MITD1: variants seen among roughly 807,000 people sequenced by gnomAD.
MITD1 encodes the protein microtubule interacting and trafficking domain containing 1.
MITD1 carries 24 observed loss-of-function variants against 34.9 expected under a neutral mutation model. The observed-to-expected ratio is 0.69, with a 90% CI of 0.50 to 0.97. The LOEUF (loss-of-function observed/expected upper bound fraction) is 0.97. MITD1 is among the 50% of genes least tolerant of loss of function. The pLI is 0.00. For synonymous variants in MITD1, 102 were observed against 101.4 expected, an observed-to-expected ratio of 1.01 and a Z score of -0.04; for missense variants, 266 against 294.6, an observed-to-expected ratio of 0.90 and a Z score of 0.71.
At position 99,170,653 on chromosome 2, in the gene MITD1, C is replaced by A; in HGVS notation, c.478-1G>T. On this transcript the variant is annotated splice_acceptor_variant, in intron 4 of 6. Transcript: ENST00000289359. LOFTEE classifies it high-confidence loss of function. ...TACTTTGCTGCACTTGCTCAATGCC[C>A]TGTTAATAGCAAAAATACGATTATC... 6.9e-7 allele frequency: 1 copy of A among 1,449,042 alleles called. No individual in the cohort carries two copies. Among genetic ancestry groups the A allele is most frequent in the Non-Finnish European group, 9.7e-7 (1 of 1,032,622 alleles). 89.8% of individuals were successfully genotyped at this position (1,449,042 alleles called of 1,614,324 possible). A position where few individuals can be genotyped will look rare whatever the true frequency, so the allele number is the denominator to read the frequency against.
At chr2:99,163,121 A>G in intron 7 of MITD1, 1 of 1,376,224 alleles carries the variant, frequency 7.3e-7, no homozygotes, top group South Asian at 1.7e-5. Context: ...TAGAAAATAA[A>G]ATGTCTCATA....
chr2:99,168,130 GT>G (rs1166655089), downstream of MITD1, among the ~76,000 whole-genome samples: 1 of 151,934 alleles, frequency 6.6e-6, no homozygotes, highest in African/African-American at 2.4e-5. Flanking sequence ...GCTTAGCTGG[GT>G]TTTTTTATTT....
intron 7 of MITD1, among the ~76,000 whole-genome samples, chr2:99,163,526 C>T (rs1345697648): frequency 6.6e-6 from 1 of 152,028 alleles, no homozygotes; most frequent in African/African-American, 2.4e-5. Flanking sequence ...CAGGGTTTCA[C>T]TGTGTTGGCC....
intron 1 of MITD1, among the ~76,000 whole-genome samples, chr2:99,176,486 C>T (rs1229001515): frequency 2.0e-5 from 3 of 152,030 alleles, no homozygotes; most frequent in Admixed American, 6.6e-5. Flanking sequence ...CCACCACACC[C>T]GGCTAATTTT....
At chr2:99,175,751 T>C (rs2093883286) in intron 1 of MITD1, among the ~76,000 whole-genome samples, 1 of 152,238 alleles carries the variant, frequency 6.6e-6, no homozygotes, top group Non-Finnish European at 1.5e-5. Flanking sequence ...CTTCTCAATC[T>C]ATTTATTCAA....
At position 99,179,724 on chromosome 2, in the gene MITD1, G is replaced by A. The variant is rs190658926; in HGVS notation, c.151+1107C>T. Among the ~76,000 whole-genome samples, 1,006 of 152,136 alleles carry A rather than the reference G, an allele frequency of 6.6e-3. 12 individuals carry two copies. The highest frequency in any genetic ancestry group is 0.023 in the African/African-American group (973 of 41,512). ...ACTACAGGTGCGTGCCACCATGCCCGGCTAATTTTTGTATTTTCAGTAGAG... is the reference window on the plus strand; with the variant it reads ...ACTACAGGTGCGTGCCACCATGCCCAGCTAATTTTTGTATTTTCAGTAGAG... On this transcript the variant is annotated intron_variant, in intron 1 of 6. Coordinates refer to ENST00000289359, the MANE Select transcript of MITD1 (RefSeq NM_138798.3).
intron 1 of MITD1, among the ~76,000 whole-genome samples, chr2:99,180,283 A>T (rs2093910033): frequency 6.6e-6 from 1 of 152,132 alleles, no homozygotes; most frequent in African/African-American, 2.4e-5. Context: ...CGTATAATAA[A>T]CACCCTTATT....
At chr2:99,171,083 T>G (rs995886062) in intron 4 of MITD1, among the ~76,000 whole-genome samples, 3 of 152,208 alleles carry the variant, frequency 2.0e-5, no homozygotes, top group Non-Finnish European at 4.4e-5. Context: ...GCAGACAGTG[T>G]GATTGCCTCC....
At chr2:99,169,150 G>T, downstream of MITD1, 1 of 309,840 alleles carries the variant, frequency 3.2e-6, no homozygotes, top group South Asian at 5.1e-5. Context: ...AGAGAAGCTG[G>T]TAAAATGTTT....
rs753095644 is a variant in MITD1, at chr2:99,171,498, A to G, written c.390+12T>C. The G allele has an allele frequency of 3.1e-6, 5 of 1,597,934 alleles. No individual in the cohort carries two copies. The highest frequency in any genetic ancestry group is 1.7e-5 in the Admixed American group (1 of 59,886). ...ATATGATATTTCATTATATTTTAGT[A>G]TGTTCACATACCTGATGAGTATGTC... On this transcript the variant is annotated intron_variant, in intron 3 of 6. Transcript: ENST00000289359.
downstream of MITD1, among the ~76,000 whole-genome samples, chr2:99,166,349 T>G (rs1462153010): frequency 6.6e-6 from 1 of 151,976 alleles, no homozygotes; most frequent in Non-Finnish European, 1.5e-5. Flanking sequence ...GGTCACATAG[T>G]ACGAGAGTTT....
downstream of MITD1, among the ~76,000 whole-genome samples, chr2:99,166,486 GAA>G (rs367705088): frequency 1.5e-4 from 18 of 116,854 alleles, no homozygotes; most frequent in East Asian, 1.2e-3. Context: ...GAGGAAATAA[GAA>G]AAAAAAAAAA....
At chr2:99,176,914 T>C (rs1010781018) in intron 1 of MITD1, among the ~76,000 whole-genome samples, 2 of 152,202 alleles carry the variant, frequency 1.3e-5, no homozygotes, top group Admixed American at 6.5e-5. Flanking sequence ...GCTGTGTTCA[T>C]TGCTGCTGGG....
chr2:99,176,675 T>TGTGTGTGTGCGC (rs376375173), intron 1 of MITD1, among the ~76,000 whole-genome samples: 1 of 142,794 alleles, frequency 7.0e-6, no homozygotes, highest in East Asian at 2.1e-4. Context: ...TATGTGTGCG[T>TGTGTGTGTGCGC]GTGTGTGTGC....
chr2:99,172,893 A>C (rs894156057), intron 2 of MITD1: 1 of 152,244 alleles, frequency 6.6e-6, no homozygotes, highest in Non-Finnish European at 1.5e-5. Context: ...AAAAAAAAAA[A>C]AAAAACCCTA....
At position 99,181,006 on chromosome 2, in the gene MITD1, C is replaced by A. The variant is rs199899370; in HGVS notation, c.-25G>T. ...TAATTCTGGAAGTTCTCCTCCGCCT[C>A]AACCCAGGATGAAGTTGAGCGGGTC... On this transcript the variant is annotated 5_prime_UTR_variant, in exon 1 of 7. Coordinates refer to ENST00000289359, the MANE Select transcript of MITD1 (RefSeq NM_138798.3). The A allele has an allele frequency of 1.0e-5, 16 of 1,607,946 alleles. No homozygotes were observed. The African/African-American group carries it at 2.0e-4, about 20-fold the overall frequency.
chr2:99,174,046 T>A (rs1449346006), intron 1 of MITD1, 30 bp from the exon 2 acceptor site: 11 of 1,090,940 alleles, frequency 1.0e-5, no homozygotes, highest in Non-Finnish European at 1.5e-5. Flanking sequence ...TATTATCAAG[T>A]ATCAAAATAG....
Position 99,163,761 on chromosome 2 carries a change from T to C in MITD1, c.*4-1543A>G, listed in dbSNP as rs572250335. On this transcript the variant is annotated intron_variant, in intron 7 of 7. Coordinates refer to the MITD1 transcript ENST00000422537. ...CTGTTTTTCTTATCTCTCGGAGATA[T>C]AACCCAGATTTCTTGCCACCTCTCC... Among the ~76,000 whole-genome samples, 34 of 152,304 alleles carry C rather than the reference T, an allele frequency of 2.2e-4. No homozygotes were observed. In the East Asian group the frequency reaches 5.8e-3, roughly 26 times the overall value.
At chr2:99,167,265 G>A (rs2093831503), downstream of MITD1, among the ~76,000 whole-genome samples, 1 of 152,152 alleles carries the variant, frequency 6.6e-6, no homozygotes, top group African/African-American at 2.4e-5. Flanking sequence ...AAGTTAGAGA[G>A]AACTGACATT....
Sources: allele counts gnomAD v4.1 joint callset (sites outside exome capture counted in the v4.1 genomes callset), GRCh38; gene constraint gnomAD v4.1.1; transcripts MANE v1.5; gene names NCBI Gene and HGNC (gene_info 2026-07-23, HGNC 2026-07-21).